The following SCUBE1 variants were observed in gnomAD, a reference collection of about 807,000 sequenced individuals.
The protein encoded by SCUBE1 is signal peptide, CUB and EGF-like domain-containing protein 1.
A neutral mutation model predicts 124.4 loss-of-function variants in SCUBE1; 59 were observed. That is an observed-to-expected ratio of 0.47 (90% confidence interval 0.38 to 0.59). SCUBE1 has a LOEUF of 0.59. Among genes scored for constraint, SCUBE1 ranks in the 20% least tolerant of loss-of-function variants. The probability of loss-of-function intolerance (pLI) is 0.00; values close to 1 mark genes in which losing one functional copy is unlikely to be tolerated. For synonymous variants in SCUBE1, 545 were observed against 550.9 expected (o/e 0.99, Z 0.15); for missense variants, 1,150 against 1,371.2 (o/e 0.84, Z 2.55).
chr22:43,204,905 C>T (rs1921158383), intron 21 of SCUBE1, among the ~76,000 whole-genome samples: 1 of 150,112 alleles, frequency 6.7e-6, no homozygotes, highest in Non-Finnish European at 1.5e-5. Flanking sequence ...GAGTGTGCCA[C>T]TGCACTCCAT....
Position 43,229,081 on chromosome 22 carries a change from G to A in SCUBE1, c.1075C>T (p.His359Tyr). 1 of 1,612,018 alleles carries A rather than the reference G, an allele frequency of 6.2e-7. No individual in the cohort carries two copies. Among genetic ancestry groups the A allele is most frequent in the Non-Finnish European group, 8.5e-7 (1 of 1,179,002 alleles). Residue 359 changes from histidine (H) to tyrosine (Y), a missense_variant, in exon 9 of 22, where the codon CAC (histidine) becomes TAC (tyrosine). Physicochemically the swap from His to Tyr is moderately conservative, Grantham distance 83. Coordinates refer to ENST00000360835, the MANE Select transcript of SCUBE1 (RefSeq NM_173050.5). ...HRGYILYGTT[H>Y]CGDVDECSMS... is the part of the protein sequence containing the mutation. The stretch of plus-strand genomic sequence containing the variant: ...CGGGCAGGCTGCAGACCTCCGCAGT[G>A]GGTTGTCCCGTAGAGGATGTAGCCG...
intron 2 of SCUBE1, among the ~76,000 whole-genome samples, chr22:43,321,878 C>CTGGGCTGT (rs1487123385): frequency 6.6e-6 from 1 of 151,990 alleles, no homozygotes; most frequent in East Asian, 1.9e-4. Context: ...GTGCCTGGCT[C>CTGGGCTGT]TGGGCTGTTT....
chr22:43,336,418 C>G (rs2859443), intron 2 of SCUBE1, among the ~76,000 whole-genome samples: 1 of 151,946 alleles, frequency 6.6e-6, no homozygotes, highest in Non-Finnish European at 1.5e-5. Context: ...AAGTCCTGTC[C>G]GGGCAAAGGA....
At position 43,281,759 on chromosome 22, in the gene SCUBE1, A is replaced by G. The variant is rs573712711; in HGVS notation, c.484+9287T>C. Among the ~76,000 whole-genome samples, 20 of 152,278 alleles carry G rather than the reference A, an allele frequency of 1.3e-4. No individual in the cohort carries two copies. The South Asian group carries it at 3.9e-3, about 30-fold the overall frequency. ...TGGCCCCACTCCCTGCTTCACCTGTACAACTGAGGCAAGTGTGATCTTCCT... is the reference window on the plus strand; with the variant it reads ...TGGCCCCACTCCCTGCTTCACCTGTGCAACTGAGGCAAGTGTGATCTTCCT... On this transcript the variant is annotated intron_variant, in intron 4 of 21. Coordinates refer to ENST00000360835, the MANE Select transcript of SCUBE1 (RefSeq NM_173050.5).
Position 43,221,193 on chromosome 22 carries a change from G to C in SCUBE1, c.1529C>G (p.Thr510Ser). ...CTCACCCAGCAGCGGCTGCCTGGCG[G>C]TCTCCTTTGCTCGTGCCTGGCTGTG... ...RPHSQARAKE[T>S]ARQPLLDHCH... The change falls in exon 13 of 22, where the codon ACC becomes AGC. Residue 510 changes from threonine to serine, a missense_variant. This residue lies in a region of SCUBE1 where 757 missense variants were observed against 840.9 expected (regional missense o/e 0.90). Transcript: ENST00000360835. 1 of 1,610,552 alleles carries C rather than the reference G, an allele frequency of 6.2e-7. No homozygotes were observed. Among genetic ancestry groups the C allele is most frequent in the Non-Finnish European group, 8.5e-7 (1 of 1,179,828 alleles).
chr22:43,294,021 G>A (rs866344435), intron 3 of SCUBE1, among the ~76,000 whole-genome samples: 9 of 151,998 alleles, frequency 5.9e-5, no homozygotes, highest in South Asian at 2.1e-4. Context: ...GGACAGGGCT[G>A]TTTACTCTAC....
chr22:43,219,141 G>T (rs1921968747), intron 14 of SCUBE1, among the ~76,000 whole-genome samples: 1 of 152,286 alleles, frequency 6.6e-6, no homozygotes, highest in African/African-American at 2.4e-5. Context: ...AATGCTGGGG[G>T]TGGGGCCTGG....
At chr22:43,271,592 C>T (rs1222978772) in intron 4 of SCUBE1, among the ~76,000 whole-genome samples, 2 of 152,062 alleles carry the variant, frequency 1.3e-5, no homozygotes, top group Non-Finnish European at 1.5e-5. Context: ...GAGCCTCTCG[C>T]GGTGCGGCCT....
chr22:43,237,601 C>T (rs1022228234), intron 7 of SCUBE1: 3 of 152,328 alleles, frequency 2.0e-5, no homozygotes, highest in African/African-American at 7.2e-5. Flanking sequence ...GCTTTATTTT[C>T]AAATAAACAG....
chr22:43,324,603 C>A (rs1393211918), intron 2 of SCUBE1, among the ~76,000 whole-genome samples: 2 of 151,970 alleles, frequency 1.3e-5, no homozygotes, highest in East Asian at 3.9e-4. Flanking sequence ...CACAAACAAA[C>A]CAGCTAAAAA....
Position 43,255,615 on chromosome 22 carries a change from T to G in SCUBE1, c.727+2604A>C. The G allele has an allele frequency of 6.6e-7, 1 of 1,515,138 alleles. No individual in the cohort carries two copies. Among genetic ancestry groups the G allele is most frequent in the Non-Finnish European group, 9.0e-7 (1 of 1,115,644 alleles). 93.9% of individuals were successfully genotyped at this position (1,515,138 alleles called of 1,614,324 possible). A position where few individuals can be genotyped will look rare whatever the true frequency, so the allele number is the denominator to read the frequency against. On this transcript the variant is annotated intron_variant, in intron 6 of 21. Coordinates refer to ENST00000360835, the MANE Select transcript of SCUBE1 (RefSeq NM_173050.5). This position sits in a 1 kb window ranked among gnomAD's most constrained non-coding sequence, Gnocchi z 4.7. Reference sequence around the variant, plus strand: ...TAAGGGACAAACACGGAGCCAGTGGTTAATGACAGCCCACTTCCCGCGGCC... The same window carrying G: ...TAAGGGACAAACACGGAGCCAGTGGGTAATGACAGCCCACTTCCCGCGGCC...
chr22:43,278,694 G>A (rs1924634774), intron 4 of SCUBE1, among the ~76,000 whole-genome samples: 1 of 152,180 alleles, frequency 6.6e-6, no homozygotes, highest in South Asian at 2.1e-4. Flanking sequence ...AGGGCAAAAA[G>A]AACTGACATT....
intron 4 of SCUBE1, chr22:43,272,648 C>G (rs887329802): frequency 6.6e-5 from 10 of 152,242 alleles, no homozygotes; most frequent in Non-Finnish European, 1.3e-4. Flanking sequence ...AGGGGCCGGA[C>G]CACAGTGAAG....
Position 43,234,154 on chromosome 22 carries a change from C to T in SCUBE1, c.845-2279G>A, listed in dbSNP as rs1922666035. On this transcript the variant is annotated intron_variant, in intron 7 of 21. Coordinates refer to ENST00000360835, the MANE Select transcript of SCUBE1 (RefSeq NM_173050.5). This position sits in a 1 kb window ranked among gnomAD's most constrained non-coding sequence, Gnocchi z 4.4. ...AGGAATCTCTATCATTCCTTCCCCC[C>T]GAGCCCCGGGATTATAGGCAGATGG... Among the ~76,000 whole-genome samples the T allele has an allele frequency of 6.6e-6, 1 of 152,034 alleles. No individual in the cohort carries two copies. Among genetic ancestry groups the T allele is most frequent in the South Asian group, 2.1e-4 (1 of 4,804 alleles).
rs547780036 is a variant in SCUBE1, at chr22:43,199,034, C to T, written c.*4963G>A. ...GGCAGTGTGTCTGTTTGTCTCTCTG[C>T]TGTCCAGGGCAATGTGTCTGTTTGT... On this transcript the variant is annotated 3_prime_UTR_variant, in exon 22 of 22. Transcript: ENST00000360835. 7.7e-5 allele frequency: 26 copies of T among 338,666 alleles called. No individual in the cohort carries two copies. Among genetic ancestry groups the T allele is most frequent in the African/African-American group, 5.9e-4 (26 of 43,848 alleles). 21.0% of individuals were successfully genotyped at this position (338,666 alleles called of 1,614,324 possible).
chr22:43,319,288 C>T (rs987298950), intron 3 of SCUBE1, among the ~76,000 whole-genome samples: 10 of 152,020 alleles, frequency 6.6e-5, no homozygotes, highest in Non-Finnish European at 1.3e-4. Flanking sequence ...AGTGGCTGGC[C>T]GGGCAAGGTG....
intron 14 of SCUBE1, among the ~76,000 whole-genome samples, chr22:43,220,039 C>A (rs1402488884): frequency 6.6e-6 from 1 of 152,186 alleles, no homozygotes; most frequent in African/African-American, 2.4e-5. Context: ...TCACATATAG[C>A]CAAGAGCAAA....
chr22:43,311,754 A>G lies in SCUBE1; in HGVS notation c.349+8183T>C, dbSNP rs1277369654. On this transcript the variant is annotated intron_variant, in intron 3 of 21. Coordinates refer to ENST00000360835, the MANE Select transcript of SCUBE1 (RefSeq NM_173050.5). Reference sequence around the variant, plus strand: ...AATATAGCACTTTCTACCCTTCATTAGAGTTGTGAATATTTCTGGCTTCCT... The same window carrying G: ...AATATAGCACTTTCTACCCTTCATTGGAGTTGTGAATATTTCTGGCTTCCT... Among the ~76,000 whole-genome samples the G allele has an allele frequency of 2.0e-5, 3 of 151,992 alleles. No homozygotes were observed. The East Asian group carries it at 5.8e-4, about 29-fold the overall frequency.
Position 43,258,163 on chromosome 22 carries a change from T to TG in SCUBE1, c.727+55dup. The TG allele has an allele frequency of 1.1e-6, 1 of 927,518 alleles. No homozygotes were observed. The allele number at this position is 927,518 out of a possible 1,614,324, so 57.5% of individuals were successfully genotyped here. On this transcript the variant is annotated intron_variant, in intron 6 of 21. Coordinates refer to ENST00000360835, the MANE Select transcript of SCUBE1 (RefSeq NM_173050.5). This position sits in a 1 kb window ranked among gnomAD's most constrained non-coding sequence, Gnocchi z 5.0. ...GGTGCTGGCCCTGCTGGTGCACGCA[T>TG]GGGGGGTCGGGGGCGGGGGGCGCAA... is the stretch of plus-strand genomic sequence containing the variant.
Sources: gnomAD v4.1 joint callset for allele counts (sites outside exome capture counted in the v4.1 genomes callset) on GRCh38, gnomAD v4.1.1 for gene constraint, gnomAD v4.1.1 regional missense constraint, Gnocchi (gnomAD v3.1) non-coding constraint, MANE v1.5 for transcripts, NCBI Gene and HGNC (gene_info 2026-07-23, HGNC 2026-07-21) for gene names.